The following MSI2 variants were observed in gnomAD, a reference collection of about 807,000 sequenced individuals.
MSI2 encodes the protein musashi RNA binding protein 2, also known as RNA-binding protein Musashi homolog 2.
MSI2 carries 17 observed loss-of-function variants against 45.6 expected under a neutral mutation model. That is an observed-to-expected ratio of 0.37 (90% CI 0.26 to 0.56). The LOEUF is 0.56. Ranked by LOEUF, MSI2 falls within the 20% of genes least tolerant of loss-of-function variation. MSI2 has a pLI of 0.77. For synonymous variants in MSI2, 156 were observed against 158.2 expected, an observed-to-expected ratio of 0.99 and a Z score of 0.11; for missense variants, 293 against 444.2, an observed-to-expected ratio of 0.66 and a Z score of 3.06.
chr17:57,456,038 G>A (rs1598290754), intron 6 of MSI2, among the ~76,000 whole-genome samples: 1 of 152,354 alleles, frequency 6.6e-6, no homozygotes, highest in East Asian at 1.9e-4. Context: ...CGCAGAGACA[G>A]CCCTCTTGAA....
At chr17:57,443,024 A>G (rs2084828527) in intron 6 of MSI2, among the ~76,000 whole-genome samples, 1 of 152,170 alleles carries the variant, frequency 6.6e-6, no homozygotes, top group Admixed American at 6.5e-5. Flanking sequence ...AGGAAACCTG[A>G]TGGCTGGGGG....
intron 5 of MSI2, chr17:57,294,841 C>A (rs1910778254): frequency 1.3e-5 from 2 of 152,388 alleles, no homozygotes; most frequent in South Asian, 2.1e-4. Context: ...TGGGTTCATT[C>A]ATTGAGCAAA....
At chr17:57,555,100 C>T (rs540730410) in intron 7 of MSI2, among the ~76,000 whole-genome samples, 5 of 152,342 alleles carry the variant, frequency 3.3e-5, no homozygotes, top group African/African-American at 1.2e-4. Context: ...AGATCCCAGG[C>T]TGCCCCACTG....
At chr17:57,385,488 A>G (rs1034143528) in intron 5 of MSI2, among the ~76,000 whole-genome samples, 2 of 152,058 alleles carry the variant, frequency 1.3e-5, no homozygotes, top group Non-Finnish European at 2.9e-5. Flanking sequence ...CCCATCTACT[A>G]AAAATACAAA....
intron 6 of MSI2, among the ~76,000 whole-genome samples, chr17:57,469,836 T>C (rs903893668): frequency 2.0e-5 from 3 of 152,260 alleles, no homozygotes; most frequent in Non-Finnish European, 4.4e-5. Context: ...TGCATTCCAC[T>C]GCTTGTAGCC....
chr17:57,447,278 A>G (rs1453281844), intron 6 of MSI2, among the ~76,000 whole-genome samples: 1 of 151,734 alleles, frequency 6.6e-6, no homozygotes, highest in African/African-American at 2.4e-5. Flanking sequence ...TTATTTATTT[A>G]TTTTTTGTAG....
chr17:57,596,309 G>A lies in MSI2; in HGVS notation c.455-559G>A, dbSNP rs1377310865. On this transcript the variant is annotated intron_variant, in intron 7 of 13. Coordinates refer to ENST00000284073, the MANE Select transcript of MSI2 (RefSeq NM_138962.4). This position sits in a 1 kb window ranked among gnomAD's most constrained non-coding sequence, Gnocchi z 4.6. ...TCTTAAACTGCCCCAAATCCAGAGC[G>A]CTTTTGAAGCAGCAGTATAAAAAGG... 6.6e-6 allele frequency among the ~76,000 whole-genome samples: 1 copy of A among 152,188 alleles called. No homozygotes were observed. Among genetic ancestry groups the A allele is most frequent in the Non-Finnish European group, 1.5e-5 (1 of 68,028 alleles).
chr17:57,342,814 T>A (rs925832458), intron 5 of MSI2, among the ~76,000 whole-genome samples: 5 of 152,232 alleles, frequency 3.3e-5, no homozygotes, highest in Non-Finnish European at 7.3e-5. Flanking sequence ...TATAATCACA[T>A]CATTCTAAAT....
At chr17:57,432,128 T>G (rs1212570109) in intron 6 of MSI2, among the ~76,000 whole-genome samples, 1 of 152,184 alleles carries the variant, frequency 6.6e-6, no homozygotes, top group East Asian at 1.9e-4. Flanking sequence ...AAAATTGAGC[T>G]GTCTTAATTG....
rs1913619147 is a variant in MSI2, at chr17:57,681,829, A to AAG, written c.*2313_*2314insGA. 1 of 195,754 alleles carries AAG rather than the reference A, an allele frequency of 5.1e-6. No individual in the cohort carries two copies. The allele number at this position is 195,754 out of a possible 1,614,324, so 12.1% of individuals were successfully genotyped here. A position where few individuals can be genotyped will look rare whatever the true frequency, so the allele number is the denominator to read the frequency against. ...AACATAAGTTTTATTTAAAAAAAAA[A>AAG]AAAGAAAGAAAAAATAGTAAATTCC... On this transcript the variant is annotated 3_prime_UTR_variant, in exon 14 of 14. Transcript: ENST00000284073.
At chr17:57,482,684 C>T (rs745395289) in intron 6 of MSI2, among the ~76,000 whole-genome samples, 5 of 152,162 alleles carry the variant, frequency 3.3e-5, no homozygotes, top group Non-Finnish European at 7.3e-5. Context: ...CCTTCTTTAA[C>T]CTCCCGAGAC....
chr17:57,469,883 C>A (rs2085400872), intron 6 of MSI2, among the ~76,000 whole-genome samples: 1 of 152,242 alleles, frequency 6.6e-6, no homozygotes, highest in South Asian at 2.1e-4. Flanking sequence ...GGCCCACGGG[C>A]CCCTGTCCTG....
intron 5 of MSI2, among the ~76,000 whole-genome samples, chr17:57,281,086 C>T (rs899693175): frequency 4.6e-5 from 7 of 152,008 alleles, no homozygotes; most frequent in South Asian, 2.1e-4. Context: ...TGCTATCCCC[C>T]GAGAAGTGAT....
intron 6 of MSI2, among the ~76,000 whole-genome samples, chr17:57,472,357 C>T (rs1180797259): frequency 6.6e-6 from 1 of 152,100 alleles, no homozygotes; most frequent in East Asian, 1.9e-4. Flanking sequence ...TGCCTGCTTT[C>T]CCTAAGGGCT....
intron 7 of MSI2, among the ~76,000 whole-genome samples, chr17:57,592,281 C>A (rs1319094686): frequency 1.3e-5 from 2 of 152,096 alleles, no homozygotes; most frequent in Non-Finnish European, 2.9e-5. Flanking sequence ...ATTTTTCCCA[C>A]CCATCACTCT....
At chr17:57,369,920 G>A (rs1163125266) in intron 5 of MSI2, among the ~76,000 whole-genome samples, 1 of 152,220 alleles carries the variant, frequency 6.6e-6, no homozygotes, top group Non-Finnish European at 1.5e-5. Flanking sequence ...GGAGAAAAGA[G>A]CCAGAGTAAT....
At chr17:57,338,066 A>G (rs1281024320) in intron 5 of MSI2, among the ~76,000 whole-genome samples, 1 of 152,084 alleles carries the variant, frequency 6.6e-6, no homozygotes, top group East Asian at 1.9e-4. Flanking sequence ...ACCGCCAAGG[A>G]CGAGATTTGT....
At chr17:57,580,529 C>T (rs1024959367) in intron 7 of MSI2, among the ~76,000 whole-genome samples, 1 of 152,226 alleles carries the variant, frequency 6.6e-6, no homozygotes, top group African/African-American at 2.4e-5. Flanking sequence ...CAGTGCTGGT[C>T]TTGCTAGCTG....
chr17:57,359,040 C>T (rs2143888250), intron 5 of MSI2, among the ~76,000 whole-genome samples: 1 of 152,272 alleles, frequency 6.6e-6, no homozygotes, highest in East Asian at 1.9e-4. Flanking sequence ...GGGAACTGTT[C>T]AGCAGAGCAG....
Sources: gnomAD v4.1 joint callset for allele counts (sites outside exome capture counted in the v4.1 genomes callset) on GRCh38, gnomAD v4.1.1 for gene constraint, Gnocchi (gnomAD v3.1) non-coding constraint, MANE v1.5 for transcripts, NCBI Gene and HGNC (gene_info 2026-07-23, HGNC 2026-07-21) for gene names.